The following CACNA1D variants were observed in gnomAD, a reference collection of about 807,000 sequenced individuals.
CACNA1D encodes calcium voltage-gated channel subunit alpha1 D, also known as voltage-dependent L-type calcium channel subunit alpha-1D.
CACNA1D carries 55 observed loss-of-function variants against 257.1 expected under a neutral mutation model. The observed-to-expected ratio is 0.21, with a 90% CI of 0.17 to 0.27. CACNA1D has a LOEUF of 0.27. CACNA1D is among the 10% of genes least tolerant of loss of function. The probability of loss-of-function intolerance (pLI) is 1.00; values close to 1 mark genes in which losing one functional copy is unlikely to be tolerated. For synonymous variants in CACNA1D, 980 were observed against 1,014.9 expected (o/e 0.97, Z 0.65); for missense variants, 1,876 against 2,784.0 (o/e 0.67, Z 7.34).
chr3:53,780,033 T>C lies in CACNA1D; in HGVS notation c.4595T>C (p.Val1532Ala), dbSNP rs1361120735. Residue 1532 changes from valine (V) to alanine (A), a missense_variant, in exon 38 of 48, where the codon GTT (valine) becomes GCT (alanine). Physicochemically the swap from Val to Ala is moderately conservative, Grantham distance 64 (BLOSUM62 0). Around this residue, in one of 10 missense-constraint regions of CACNA1D, gnomAD observed 83 missense variants for 210.7 expected, o/e 0.39. Coordinates refer to ENST00000350061, the MANE Select transcript of CACNA1D (RefSeq NM_001128840.3). ...CTTCCTTTCTGTTTACAGAGATTAG[T>C]TGCCATGAACATGCCTCTCAACAGT... ...CPHRVACKRL[V>A]AMNMPLNSDG... 1.2e-6 allele frequency: 2 copies of C among 1,611,808 alleles called. No individual in the cohort carries two copies. Among genetic ancestry groups the C allele is most frequent in the East Asian group, 2.2e-5 (1 of 44,876 alleles).
At chr3:53,556,271 C>T (rs1184779698) in intron 3 of CACNA1D, among the ~76,000 whole-genome samples, 2 of 152,170 alleles carry the variant, frequency 1.3e-5, no homozygotes, top group Non-Finnish European at 2.9e-5. Flanking sequence ...TAGATGTTCA[C>T]TAGCGTAAAT....
Position 53,730,569 on chromosome 3 carries a change from T to A in CACNA1D, c.2336+13T>A. 1 of 1,577,684 alleles carries A rather than the reference T, an allele frequency of 6.3e-7. No homozygotes were observed. Among genetic ancestry groups the A allele is most frequent in the Non-Finnish European group, 8.7e-7 (1 of 1,147,346 alleles). On this transcript the variant is annotated intron_variant, in intron 16 of 47. Transcript: ENST00000350061. ...AAAAGATTGCCAGGTAACCCTATTTTCCCCTGACGTGTTTGTCCAGGGGCT... is the reference window on the plus strand; with the variant it reads ...AAAAGATTGCCAGGTAACCCTATTTACCCCTGACGTGTTTGTCCAGGGGCT...
intron 5 of CACNA1D, among the ~76,000 whole-genome samples, chr3:53,663,461 C>T (rs1412729151): frequency 1.3e-5 from 2 of 152,178 alleles, no homozygotes; most frequent in Non-Finnish European, 2.9e-5. Flanking sequence ...GGTCAGGAGG[C>T]CTGGTCTCCA....
At chr3:53,731,797 G>A (rs1369780069) in intron 17 of CACNA1D, among the ~76,000 whole-genome samples, 4 of 152,206 alleles carry the variant, frequency 2.6e-5, no homozygotes, top group Non-Finnish European at 5.9e-5. Flanking sequence ...GGCTAACCAC[G>A]ACTGGGTCAG....
intron 3 of CACNA1D, among the ~76,000 whole-genome samples, chr3:53,520,890 C>CTTTCTTTCTTTCTTTCT (rs1366127073): frequency 6.5e-4 from 78 of 120,630 alleles, no homozygotes; most frequent in South Asian, 2.6e-3. Context: ...TTCTTTCTTT[C>CTTTCTTTCTTTCTTTCT]TTTCTTTTCT....
At chr3:53,574,999 G>A (rs3774450) in intron 3 of CACNA1D, among the ~76,000 whole-genome samples, 10,091 of 152,302 alleles carry the variant, frequency 0.066, 733 homozygotes, top group African/African-American at 0.18. Context: ...AGACAGGGGC[G>A]CAGGCCAGGC....
chr3:53,585,181 G>C (rs2093193717), intron 3 of CACNA1D, among the ~76,000 whole-genome samples: 1 of 152,046 alleles, frequency 6.6e-6, no homozygotes, highest in Admixed American at 6.6e-5. Context: ...TTAATTAATA[G>C]AAATAGGGAA....
At chr3:53,508,196 G>T (rs1394150339) in intron 3 of CACNA1D, among the ~76,000 whole-genome samples, 1 of 152,082 alleles carries the variant, frequency 6.6e-6, no homozygotes, top group East Asian at 1.9e-4. Context: ...AGGATGTGCA[G>T]GTTTGTTACA....
intron 3 of CACNA1D, among the ~76,000 whole-genome samples, chr3:53,555,235 C>G (rs1385335974): frequency 6.6e-6 from 1 of 152,108 alleles, no homozygotes; most frequent in Non-Finnish European, 1.5e-5. Context: ...TGAATCAATG[C>G]TGGGATTTCC....
rs146575161 is a variant in CACNA1D, at chr3:53,585,267, C to T, written c.484-65512C>T. ...GAGAGGTCCCTGGGTCAGATTCCTC[C>T]CGAGCCTGTTGTCAGAGGCAGATTC... On this transcript the variant is annotated intron_variant, in intron 3 of 47. Transcript: ENST00000350061. 3.1e-3 allele frequency among the ~76,000 whole-genome samples: 474 copies of T among 152,144 alleles called. 7 individuals carry two copies. The highest frequency in any genetic ancestry group is 0.011 in the African/African-American group (445 of 41,490).
At chr3:53,771,266 C>T (rs906826983) in intron 32 of CACNA1D, among the ~76,000 whole-genome samples, 3 of 152,206 alleles carry the variant, frequency 2.0e-5, no homozygotes, top group South Asian at 2.1e-4. Flanking sequence ...TGGATATCTA[C>T]AAGCATTAGA....
At chr3:53,744,007 C>A (rs186307046) in intron 22 of CACNA1D, among the ~76,000 whole-genome samples, 124 of 152,302 alleles carry the variant, frequency 8.1e-4, no homozygotes, top group African/African-American at 2.8e-3. Flanking sequence ...CCAGGCTGTT[C>A]ATGTCCAAGC....
intron 30 of CACNA1D, among the ~76,000 whole-genome samples, chr3:53,768,374 C>A (rs2095347238): frequency 6.6e-6 from 1 of 152,218 alleles, no homozygotes; most frequent in Non-Finnish European, 1.5e-5. Flanking sequence ...ACTTAGCATG[C>A]ACACTCACAC....
At chr3:53,538,128 A>G (rs1361453003) in intron 3 of CACNA1D, among the ~76,000 whole-genome samples, 2 of 122,104 alleles carry the variant, frequency 1.6e-5, no homozygotes, top group Admixed American at 1.6e-4. Context: ...CTCCATATTT[A>G]CCAGTTTTTG....
rs1052773221 is a variant in CACNA1D, at chr3:53,718,587, C to A, written c.1478+199C>A. On this transcript the variant is annotated intron_variant, in intron 10 of 47. Coordinates refer to ENST00000350061, the MANE Select transcript of CACNA1D (RefSeq NM_001128840.3). ...TGCACACCTCCCCACCCCCCGCCCC[C>A]CCGCCCCCCGGCCCAGCATTTCACA... 1.2e-5 allele frequency: 9 copies of A among 770,364 alleles called. No individual in the cohort carries two copies. In the African/African-American group the frequency reaches 1.2e-4, roughly 10 times the overall value. The allele number at this position is 770,364 out of a possible 1,614,324, so 47.7% of individuals were successfully genotyped here.
chr3:53,761,241 A>G (rs566891777), intron 29 of CACNA1D, among the ~76,000 whole-genome samples: 6 of 152,288 alleles, frequency 3.9e-5, no homozygotes, highest in African/African-American at 1.4e-4. Flanking sequence ...GAAGGAGCCT[A>G]TTGGCTTCTT....
Position 53,497,282 on chromosome 3 carries a change from C to G in CACNA1D, c.198C>G (p.Ala66=). Residue 66 remains alanine (A), a synonymous_variant, in exon 2 of 48, where the codon GCC becomes GCG. Coordinates refer to ENST00000350061, the MANE Select transcript of CACNA1D (RefSeq NM_001128840.3). The part of the protein sequence containing the change: ...AIDAARQAKA[A]QTMSTSAPPP... ...ATGCTGCTAGACAGGCCAAGGCTGCCCAAACTATGAGCACCTCTGCACCCC... is the reference window on the plus strand; with the variant it reads ...ATGCTGCTAGACAGGCCAAGGCTGCGCAAACTATGAGCACCTCTGCACCCC... 1 of 1,614,118 alleles carries G rather than the reference C, an allele frequency of 6.2e-7. No homozygotes were observed. The highest frequency in any genetic ancestry group is 8.5e-7 in the Non-Finnish European group (1 of 1,180,022).
At chr3:53,610,949 G>A (rs1305981146) in intron 3 of CACNA1D, among the ~76,000 whole-genome samples, 1 of 152,156 alleles carries the variant, frequency 6.6e-6, no homozygotes, top group Non-Finnish European at 1.5e-5. Flanking sequence ...AATCCTCTCA[G>A]CTTTTGTTTG....
At chr3:53,610,238 C>G (rs140372453) in intron 3 of CACNA1D, among the ~76,000 whole-genome samples, 1 of 152,248 alleles carries the variant, frequency 6.6e-6, no homozygotes, top group African/African-American at 2.4e-5. Context: ...TTATAAATGC[C>G]AGGTTCTATA....
Sources: allele counts gnomAD v4.1 joint callset (sites outside exome capture counted in the v4.1 genomes callset), GRCh38; gene constraint gnomAD v4.1.1; regional missense constraint gnomAD v4.1.1; transcripts MANE v1.5; gene names NCBI Gene and HGNC (gene_info 2026-07-23, HGNC 2026-07-21).